SUGCT: variants seen among roughly 807,000 people sequenced by gnomAD.
The protein encoded by SUGCT is succinyl-CoA:glutarate CoA-transferase.
In SUGCT, 41 loss-of-function variants were observed where a neutral mutation model predicts 55.0. The observed-to-expected ratio is 0.74, with a 90% CI of 0.58 to 0.97. SUGCT has a LOEUF of 0.97. Among genes scored for constraint, SUGCT ranks in the 50% least tolerant of loss-of-function variants. The pLI, the probability that SUGCT is intolerant of heterozygous loss-of-function variation, is 0.00. For synonymous variants in SUGCT, 187 were observed against 200.4 expected (o/e 0.93, Z 0.56); for missense variants, 568 against 547.8 (o/e 1.04, Z -0.37).
chr7:41,008,069 AT>A, the SUGCT span, among the ~76,000 whole-genome samples: 1 of 152,160 alleles, frequency 6.6e-6, no homozygotes, highest in African/African-American at 2.4e-5. Flanking sequence ...GGGGGGCAAA[AT>A]CTGGCTGTGG....
chr7:40,493,279 G>T (rs1791794868), intron 11 of SUGCT, among the ~76,000 whole-genome samples: 1 of 152,186 alleles, frequency 6.6e-6, no homozygotes, highest in Admixed American at 6.5e-5. Flanking sequence ...ACTGTATAGT[G>T]TGGTTGTGAA....
At chr7:40,910,200 G>A in the SUGCT span, among the ~76,000 whole-genome samples, 2 of 151,944 alleles carry the variant, frequency 1.3e-5, no homozygotes, top group South Asian at 4.2e-4. Flanking sequence ...TAGAGGAAGA[G>A]TTGGAGACAG....
downstream of SUGCT, among the ~76,000 whole-genome samples, chr7:40,861,553 T>A (rs1667107855): frequency 6.6e-6 from 1 of 152,220 alleles, no homozygotes. Context: ...TATTTTAATG[T>A]CATTACACAC....
At chr7:40,249,352 T>TATATA (rs1790196795) in intron 7 of SUGCT, among the ~76,000 whole-genome samples, 1 of 137,430 alleles carries the variant, frequency 7.3e-6, no homozygotes, top group Non-Finnish European at 1.5e-5. Context: ...TATATAATTA[T>TATATA]ATTATATAGA....
the SUGCT span, among the ~76,000 whole-genome samples, chr7:40,919,439 A>G: frequency 6.6e-6 from 1 of 152,124 alleles, no homozygotes; most frequent in Non-Finnish European, 1.5e-5. Context: ...AGTCCTATTC[A>G]TTTTACCTCC....
chr7:40,947,520 GT>G, the SUGCT span, among the ~76,000 whole-genome samples: 7,620 of 146,396 alleles, frequency 0.052, 283 homozygotes, highest in South Asian at 0.16. Context: ...TTGTTTGTTT[GT>G]TTTTGCATGT....
At chr7:40,498,950 T>A (rs1175925076) in intron 12 of SUGCT, 2 of 405,542 alleles carry the variant, frequency 4.9e-6, no homozygotes, top group Admixed American at 2.9e-5. Flanking sequence ...TCATTTCTGA[T>A]GATTGAAAAT....
chr7:40,923,276 A>C, the SUGCT span, among the ~76,000 whole-genome samples: 1 of 152,168 alleles, frequency 6.6e-6, no homozygotes, highest in African/African-American at 2.4e-5. Flanking sequence ...AACATCATAG[A>C]ATTGTCTGCT....
At chr7:40,724,242 A>C (rs1206342846) in intron 12 of SUGCT, among the ~76,000 whole-genome samples, 1 of 152,154 alleles carries the variant, frequency 6.6e-6, no homozygotes, top group Non-Finnish European at 1.5e-5. Context: ...ATTGCAAATG[A>C]CCATTGCCAC....
At chr7:40,838,251 G>C (rs1164715431) in intron 13 of SUGCT, among the ~76,000 whole-genome samples, 2 of 152,094 alleles carry the variant, frequency 1.3e-5, no homozygotes, top group African/African-American at 4.8e-5. Flanking sequence ...TGTCTTTTCA[G>C]ATAAAATTTA....
intron 13 of SUGCT, chr7:40,785,072 C>T (rs1408842196): frequency 6.6e-6 from 1 of 152,162 alleles, no homozygotes; most frequent in Non-Finnish European, 1.5e-5. Flanking sequence ...TCCTACACCC[C>T]TCCAACATTT....
chr7:40,256,401 G>A (rs1293627593), intron 7 of SUGCT, among the ~76,000 whole-genome samples: 1 of 152,118 alleles, frequency 6.6e-6, no homozygotes, highest in African/African-American at 2.4e-5. Context: ...AGCCAACCCA[G>A]GTCAGCTACA....
At chr7:40,773,463 G>T (rs1435731070) in intron 13 of SUGCT, among the ~76,000 whole-genome samples, 1 of 152,020 alleles carries the variant, frequency 6.6e-6, no homozygotes, top group Non-Finnish European at 1.5e-5. Context: ...TGAGTGTATT[G>T]CCTCTATTAG....
chr7:40,196,946 T>G (rs1241247680), intron 6 of SUGCT, among the ~76,000 whole-genome samples: 1 of 152,146 alleles, frequency 6.6e-6, no homozygotes, highest in East Asian at 1.9e-4. Flanking sequence ...GTGAGTCTCC[T>G]GCCTCAGCCA....
At chr7:40,171,279 TG>T (rs1480438498) in intron 1 of SUGCT, among the ~76,000 whole-genome samples, 2 of 152,234 alleles carry the variant, frequency 1.3e-5, no homozygotes, top group Non-Finnish European at 2.9e-5. Flanking sequence ...TTGCTTTTTT[TG>T]TAAGTACTGT....
chr7:40,318,884 A>G (rs898144400), intron 9 of SUGCT, among the ~76,000 whole-genome samples: 5 of 152,220 alleles, frequency 3.3e-5, no homozygotes, highest in African/African-American at 4.8e-5. Flanking sequence ...AAAAAATGGA[A>G]CATCATTTTA....
intron 9 of SUGCT, among the ~76,000 whole-genome samples, chr7:40,446,449 T>C (rs573950357): frequency 5.3e-5 from 8 of 152,304 alleles, no homozygotes; most frequent in African/African-American, 1.9e-4. Flanking sequence ...CCTACAGCTT[T>C]GTTGCAGATT....
intron 6 of SUGCT, among the ~76,000 whole-genome samples, chr7:40,225,519 C>A (rs1372360613): frequency 6.6e-6 from 1 of 151,634 alleles, no homozygotes; most frequent in East Asian, 1.9e-4. Context: ...TCACTGCAAC[C>A]TCTGCCTGCC....
chr7:40,394,219 A>G (rs1785596352), intron 9 of SUGCT, among the ~76,000 whole-genome samples: 1 of 152,184 alleles, frequency 6.6e-6, no homozygotes, highest in Admixed American at 6.5e-5. Flanking sequence ...GAAATTCTGC[A>G]TCATCAATAT....
Sources: allele counts gnomAD v4.1 joint callset (sites outside exome capture counted in the v4.1 genomes callset), GRCh38; gene constraint gnomAD v4.1.1; transcripts MANE v1.5; gene names NCBI Gene and HGNC (gene_info 2026-07-23, HGNC 2026-07-21).